ESPNL: variants seen among roughly 807,000 people sequenced by gnomAD.
ESPNL encodes espin like, also known as espin-like protein.
ESPNL carries 49 observed loss-of-function variants against 46.8 expected under a neutral mutation model. The ratio of observed to expected loss-of-function variants is 1.05; its 90% confidence interval spans 0.83 to 1.33. The LOEUF is 1.33. Among genes scored for constraint, ESPNL ranks in the 40% most tolerant of loss-of-function variants. ESPNL has a pLI of 0.00. For synonymous variants in ESPNL, 664 were observed against 662.1 expected (o/e 1.00, Z -0.04); for missense variants, 1,540 against 1,436.6 (o/e 1.07, Z -1.16).
At position 238,131,907 on chromosome 2, in the gene ESPNL, G is replaced by A. The variant is rs551700443; in HGVS notation, c.*175G>A. 4.4e-5 allele frequency: 31 copies of A among 709,438 alleles called. No individual in the cohort carries two copies. In the East Asian group the frequency reaches 7.7e-4, roughly 18 times the overall value. 43.9% of individuals were successfully genotyped at this position (709,438 alleles called of 1,614,324 possible). On this transcript the variant is annotated 3_prime_UTR_variant, in exon 9 of 9. Transcript: ENST00000343063. ...TTGTGGCATGGTTCTCCTCCGAGCTGGGACTCAGACTCCTTCTCACCACTG... is the reference window on the plus strand; with the variant it reads ...TTGTGGCATGGTTCTCCTCCGAGCTAGGACTCAGACTCCTTCTCACCACTG...
chr2:238,110,988 T>TGTC (rs1370964304), intron 4 of ESPNL, among the ~76,000 whole-genome samples: 1 of 137,842 alleles, frequency 7.3e-6, no homozygotes, highest in Non-Finnish European at 1.5e-5. Context: ...AGTCTCACTC[T>TGTC]GTCGCCCAGG....
chr2:238,127,504 T>C, intron 6 of ESPNL, 118 bp from the exon 7 acceptor site: 1 of 1,432,472 alleles, frequency 7.0e-7, no homozygotes, highest in South Asian at 1.5e-5. Flanking sequence ...TGGGGTCAGC[T>C]CCCAGCTCGC....
At chr2:238,130,064 A>T (rs1488863879) in intron 8 of ESPNL, 64 bp from the exon 9 acceptor site, 3 of 1,540,834 alleles carry the variant, frequency 1.9e-6, no homozygotes, top group Non-Finnish European at 2.6e-6. Context: ...GGGACTTGGA[A>T]GCTAGGTGGG....
intron 5 of ESPNL, among the ~76,000 whole-genome samples, chr2:238,120,115 G>C (rs1295319875): frequency 6.6e-6 from 1 of 152,162 alleles, no homozygotes; most frequent in East Asian, 1.9e-4. Context: ...GCGTCCAGCG[G>C]GTCCTGGTTC....
rs921484773 is a variant in ESPNL at position 238,104,973 on chromosome 2, C to CT, written c.672+132dup. 1.3e-4 allele frequency: 102 copies of CT among 806,914 alleles called. No individual in the cohort carries two copies. The African/African-American group carries it at 1.6e-3, about 13-fold the overall frequency. The allele number at this position is 806,914 out of a possible 1,614,324, so 50.0% of individuals were successfully genotyped here. A position where few individuals can be genotyped will look rare whatever the true frequency, so the allele number is the denominator to read the frequency against. On this transcript the variant is annotated intron_variant, in intron 3 of 8. Transcript: ENST00000343063. Reference sequence around the variant, plus strand: ...CAGGGCTGTTGGGGCATCCGATGAGCTGGTCCATGGCTCCCGAGAATCTGC... The same window carrying CT: ...CAGGGCTGTTGGGGCATCCGATGAGCTTGGTCCATGGCTCCCGAGAATCTGC...
chr2:238,129,035 A>G (rs1692214480), intron 8 of ESPNL, 131 bp downstream of exon 8: 3 of 1,434,010 alleles, frequency 2.1e-6, no homozygotes, highest in African/African-American at 2.9e-5. Flanking sequence ...CTGTGGCCTC[A>G]GCTGCTGCTT....
Position 238,125,379 on chromosome 2 carries a change from C to G in ESPNL, c.1097C>G (p.Pro366Arg). Reference sequence around the variant, plus strand: ...AGAGGAGGCCCAGGGCCAGGGAACCCCAGCCGTGAGTGCACAGCCCCAAGT... The same window carrying G: ...AGAGGAGGCCCAGGGCCAGGGAACCGCAGCCGTGAGTGCACAGCCCCAAGT... ...GRRGGPGPGN[P>R]SPMSLSPAWP... The change falls in exon 6 of 9, where the codon CCC becomes CGC. Residue 366 changes from proline to arginine, a missense_variant. Coordinates refer to ENST00000343063, the MANE Select transcript of ESPNL (RefSeq NM_194312.4). 1.9e-6 allele frequency: 3 copies of G among 1,545,982 alleles called. No homozygotes were observed. Among genetic ancestry groups the G allele is most frequent in the Non-Finnish European group, 2.6e-6 (3 of 1,145,622 alleles).
In ESPNL at chr2:238,130,868, C is replaced by A; in HGVS notation, c.2154C>A (p.Cys718Ter). The A allele has an allele frequency of 1.3e-6, 2 of 1,555,878 alleles. No individual in the cohort carries two copies. Among genetic ancestry groups the A allele is most frequent in the East Asian group, 2.4e-5 (1 of 42,304 alleles). The change falls in exon 9 of 9, where the codon TGC becomes TGA. Residue 718 changes from cysteine (C) to a stop codon, truncating the protein, a stop_gained. Coordinates refer to ENST00000343063, the MANE Select transcript of ESPNL (RefSeq NM_194312.4). LOFTEE classifies it low-confidence loss of function (END_TRUNC). The part of the protein sequence containing the change: ...TEEASDSGIS[C>*]EEVPSEAGAA... ...AGGCCAGCGACTCTGGCATCAGCTG[C>A]GAGGAGGTGCCATCAGAGGCGGGTG...
Position 238,107,786 on chromosome 2 carries a change from C to T in ESPNL, c.673-5C>T, listed in dbSNP as rs1243404518. ...TGGCTGCTCCCTCTGCCCCTCCTTC[C>T]CCAGGTCACATTCACCGACATCGGA... On this transcript the variant is annotated splice_region_variant and splice_polypyrimidine_tract_variant and intron_variant, in intron 3 of 8. Transcript: ENST00000343063. 1 of 1,578,398 alleles carries T rather than the reference C, an allele frequency of 6.3e-7. No individual in the cohort carries two copies. The highest frequency in any genetic ancestry group is 8.6e-7 in the Non-Finnish European group (1 of 1,161,814).
chr2:238,101,740 C>T (rs947909365), intron 1 of ESPNL, among the ~76,000 whole-genome samples: 17 of 152,208 alleles, frequency 1.1e-4, no homozygotes, highest in African/African-American at 4.1e-4. Flanking sequence ...GGACCTGAGT[C>T]CTGGCCCTCC....
At chr2:238,120,207 C>T (rs2106473605) in intron 5 of ESPNL, among the ~76,000 whole-genome samples, 1 of 152,282 alleles carries the variant, frequency 6.6e-6, no homozygotes, top group South Asian at 2.1e-4. Context: ...TGCTCCATGG[C>T]CCACAGCCCA....
chr2:238,125,168 C>T (rs1262414323), intron 5 of ESPNL, 102 bp from the exon 6 acceptor site: 3 of 547,084 alleles, frequency 5.5e-6, no homozygotes, highest in Non-Finnish European at 9.8e-6. Context: ...CTCAGATGCA[C>T]AGGCTCCCCA....
Position 238,103,313 on chromosome 2 carries a change from C to T in ESPNL, c.485+1182C>T, listed in dbSNP as rs370548655. Among the ~76,000 whole-genome samples the T allele has an allele frequency of 8.5e-5, 13 of 152,106 alleles. No homozygotes were observed. In the East Asian group the frequency reaches 1.7e-3, roughly 20 times the overall value. On this transcript the variant is annotated intron_variant, in intron 2 of 8. Coordinates refer to ENST00000343063, the MANE Select transcript of ESPNL (RefSeq NM_194312.4). ...GCATGGTGGTGACTGCCTGTAGTCCCAGCAACTCAGGAGGCTGAGGTGGGA... is the reference window on the plus strand; with the variant it reads ...GCATGGTGGTGACTGCCTGTAGTCCTAGCAACTCAGGAGGCTGAGGTGGGA...
At chr2:238,118,834 AGG>A (rs1264424436) in intron 5 of ESPNL, among the ~76,000 whole-genome samples, 62 of 106,704 alleles carry the variant, frequency 5.8e-4, no homozygotes, top group African/African-American at 1.1e-3. Flanking sequence ...TGGATGGAGG[AGG>A]GTGGAAGGAA....
At chr2:238,127,296 G>A (rs12471185) in intron 6 of ESPNL, 514,925 of 1,095,770 alleles carry the variant, frequency 0.47, 125,930 homozygotes, top group African/African-American at 0.78. Flanking sequence ...GGCAGCAAGG[G>A]AACCAGCTTT....
intron 4 of ESPNL, among the ~76,000 whole-genome samples, chr2:238,113,804 C>A (rs904966790): frequency 6.6e-6 from 1 of 152,190 alleles, no homozygotes; most frequent in Non-Finnish European, 1.5e-5. Context: ...GGAACCCGCA[C>A]GGTTCCTGGC....
At position 238,102,109 on chromosome 2, in the gene ESPNL, C is replaced by T; in HGVS notation, c.463C>T (p.Leu155Phe). The change falls in exon 2 of 9, where the codon CTC becomes TTC. Residue 155 changes from leucine (L) to phenylalanine (F), a missense_variant. Transcript: ENST00000343063. ...CAGTGGGGACCTGACCTGCCTCAAGCTCCTGACAGCCGCGCATGGCAGGTA... is the reference window on the plus strand; with the variant it reads ...CAGTGGGGACCTGACCTGCCTCAAGTTCCTGACAGCCGCGCATGGCAGGTA... Reference protein sequence around the residue: ...AVSGDLTCLKLLTAAHGSSVN... With the variant: ...AVSGDLTCLKFLTAAHGSSVN... The T allele has an allele frequency of 6.4e-7, 1 of 1,559,922 alleles. No individual in the cohort carries two copies. The highest frequency in any genetic ancestry group is 2.4e-5 in the East Asian group (1 of 41,960).
intron 5 of ESPNL, among the ~76,000 whole-genome samples, chr2:238,121,547 G>A (rs773449701): frequency 4.5e-4 from 69 of 152,190 alleles, no homozygotes; most frequent in Non-Finnish European, 7.8e-4. Context: ...ACAGGTGTGC[G>A]CCACCACACC....
In ESPNL at chr2:238,114,544, T is replaced by A. The variant is rs1462596003; in HGVS notation, c.856-2359T>A. ...CCTGCCCCAGCCTCCCCAGCCCCGGTGTCCTTGCACATCTGACAAATGCTT... is the reference window on the plus strand; with the variant it reads ...CCTGCCCCAGCCTCCCCAGCCCCGGAGTCCTTGCACATCTGACAAATGCTT... On this transcript the variant is annotated intron_variant, in intron 4 of 8. Coordinates refer to ENST00000343063, the MANE Select transcript of ESPNL (RefSeq NM_194312.4). The surrounding 1 kb of genome is among the most constrained non-coding windows in gnomAD (Gnocchi z 5.0). Among the ~76,000 whole-genome samples the A allele has an allele frequency of 2.6e-5, 4 of 152,040 alleles. No homozygotes were observed. The highest frequency in any genetic ancestry group is 2.1e-4 in the South Asian group (1 of 4,820).
Sources: allele counts gnomAD v4.1 joint callset (sites outside exome capture counted in the v4.1 genomes callset), GRCh38; gene constraint gnomAD v4.1.1; non-coding constraint Gnocchi (gnomAD v3.1); transcripts MANE v1.5; gene names NCBI Gene and HGNC (gene_info 2026-07-23, HGNC 2026-07-21).